Variants in HPSE2 observed in about 807,000 individuals in gnomAD.
HPSE2 encodes the protein inactive heparanase-2.
HPSE2 carries 38 observed loss-of-function variants against 60.5 expected under a neutral mutation model. That is an observed-to-expected ratio of 0.63 (90% CI 0.48 to 0.82). The LOEUF (loss-of-function observed/expected upper bound fraction) is 0.82, where lower values mean the gene tolerates loss of function less well. Ranked by LOEUF, HPSE2 falls within the 40% of genes least tolerant of loss-of-function variation. The pLI, the probability that HPSE2 is intolerant of heterozygous loss-of-function variation, is 0.00. For synonymous variants in HPSE2, 295 were observed against 293.2 expected (o/e 1.01, Z -0.06); for missense variants, 713 against 740.4 (o/e 0.96, Z 0.43).
chr10:99,188,412 A>C (rs1324216025), intron 2 of HPSE2, among the ~76,000 whole-genome samples: 5 of 152,158 alleles, frequency 3.3e-5, no homozygotes, highest in Non-Finnish European at 7.3e-5. Flanking sequence ...AAATTGGCAA[A>C]TTTTACCTAA....
At chr10:98,462,500 T>C (rs527552654) in intron 11 of HPSE2, among the ~76,000 whole-genome samples, 1 of 152,322 alleles carries the variant, frequency 6.6e-6, no homozygotes, top group Non-Finnish European at 1.5e-5. Flanking sequence ...TTGTTTTTAA[T>C]GTCACTGTGG....
chr10:98,749,931 T>TAG (rs1949716353), intron 3 of HPSE2, among the ~76,000 whole-genome samples: 1 of 29,738 alleles, frequency 3.4e-5, no homozygotes, highest in Non-Finnish European at 8.1e-5. Flanking sequence ...TATTAAACAC[T>TAG]ATATATATAT....
chr10:99,165,537 T>TTATTTATTTACG, intron 2 of HPSE2, among the ~76,000 whole-genome samples: 1 of 150,428 alleles, frequency 6.6e-6, no homozygotes, highest in African/African-American at 2.4e-5. Flanking sequence ...ACGTATTTAT[T>TTATTTATTTACG]TATTTATTTA....
intron 9 of HPSE2, among the ~76,000 whole-genome samples, chr10:98,539,119 G>A (rs1589386262): frequency 6.6e-6 from 1 of 152,322 alleles, no homozygotes; most frequent in East Asian, 1.9e-4. Context: ...GTGGTAAAGA[G>A]GTTGCAATCA....
intron 2 of HPSE2, among the ~76,000 whole-genome samples, chr10:99,151,114 C>A (rs1846245005): frequency 6.6e-6 from 1 of 151,276 alleles, no homozygotes; most frequent in Admixed American, 6.6e-5. Context: ...AAACATAAAA[C>A]AACAATTGTC....
At chr10:98,997,279 A>AT (rs914899223) in intron 3 of HPSE2, among the ~76,000 whole-genome samples, 45 of 149,024 alleles carry the variant, frequency 3.0e-4, no homozygotes, top group Middle Eastern at 3.5e-3. Context: ...TGCCCGGCTA[A>AT]TTTTTTTTTT....
chr10:98,860,593 C>T (rs1349293172), intron 3 of HPSE2, among the ~76,000 whole-genome samples: 1 of 152,080 alleles, frequency 6.6e-6, no homozygotes, highest in East Asian at 1.9e-4. Flanking sequence ...GAAACTGAAA[C>T]GCAGACTTGC....
chr10:98,571,128 A>G (rs982148761), intron 9 of HPSE2, among the ~76,000 whole-genome samples: 17 of 152,196 alleles, frequency 1.1e-4, no homozygotes, highest in Admixed American at 7.2e-4. Context: ...CAGGAGAAAT[A>G]TTTCTAGAAA....
intron 6 of HPSE2, among the ~76,000 whole-genome samples, chr10:98,688,492 T>G: frequency 6.9e-6 from 1 of 145,414 alleles, no homozygotes; most frequent in East Asian, 2.0e-4. Flanking sequence ...TTTTTTTTTT[T>G]TGAGGCAGAA....
At chr10:99,308,484 G>A in the HPSE2 span, among the ~76,000 whole-genome samples, 1 of 151,034 alleles carries the variant, frequency 6.6e-6, no homozygotes, top group Non-Finnish European at 1.5e-5. Flanking sequence ...ATGAAAAGAA[G>A]TACTGATGCA....
At chr10:98,950,193 G>A (rs1228096907) in intron 3 of HPSE2, among the ~76,000 whole-genome samples, 1 of 152,144 alleles carries the variant, frequency 6.6e-6, no homozygotes, top group Non-Finnish European at 1.5e-5. Flanking sequence ...CAGCAAGAAA[G>A]AGAAAGTCCT....
chr10:98,660,649 T>A (rs960194010), intron 6 of HPSE2, among the ~76,000 whole-genome samples: 2 of 152,206 alleles, frequency 1.3e-5, no homozygotes, highest in Admixed American at 6.5e-5. Context: ...GGCTTTCCCA[T>A]AATGGCCCTT....
intron 6 of HPSE2, among the ~76,000 whole-genome samples, chr10:98,675,974 T>C (rs1313055376): frequency 6.6e-6 from 1 of 151,006 alleles, no homozygotes; most frequent in Non-Finnish European, 1.5e-5. Context: ...GCCCAGGAGA[T>C]AGAGGCTGCA....
chr10:99,118,022 A>T lies in HPSE2; in HGVS notation c.610+26216T>A, dbSNP rs367805270. 2.6e-5 allele frequency among the ~76,000 whole-genome samples: 4 copies of T among 152,182 alleles called. No individual in the cohort carries two copies. The East Asian group carries it at 7.7e-4, about 29-fold the overall frequency. On this transcript the variant is annotated intron_variant, in intron 3 of 11. Coordinates refer to ENST00000370552, the MANE Select transcript of HPSE2 (RefSeq NM_021828.5). ...GCATATCAAAAATCTTATCCACCACATCAAAAAGCTTATTCATCACAATCA... is the reference window on the plus strand; with the variant it reads ...GCATATCAAAAATCTTATCCACCACTTCAAAAAGCTTATTCATCACAATCA...
chr10:98,682,279 G>A (rs1947806849), intron 6 of HPSE2, among the ~76,000 whole-genome samples: 1 of 152,206 alleles, frequency 6.6e-6, no homozygotes, highest in South Asian at 2.1e-4. Context: ...TCCACCATGA[G>A]TGAAAGTTCC....
intron 3 of HPSE2, among the ~76,000 whole-genome samples, chr10:98,789,509 G>A (rs1950610193): frequency 6.6e-6 from 1 of 152,230 alleles, no homozygotes; most frequent in African/African-American, 2.4e-5. Context: ...AGCCAAACTG[G>A]TAGAAAACTG....
the HPSE2 span, among the ~76,000 whole-genome samples, chr10:99,314,346 A>T: frequency 0.86 from 129,864 of 151,536 alleles, 56,006 homozygotes; most frequent in African/African-American, 0.93. Flanking sequence ...TATTTTTTGT[A>T]GAGACAGGGT....
chr10:99,178,262 T>A (rs1329788302), intron 2 of HPSE2, among the ~76,000 whole-genome samples: 1 of 150,644 alleles, frequency 6.6e-6, no homozygotes, highest in Non-Finnish European at 1.5e-5. Flanking sequence ...AAGAAATAAC[T>A]AACATCACAG....
chr10:99,306,394 A>G, the HPSE2 span, among the ~76,000 whole-genome samples: 1 of 151,878 alleles, frequency 6.6e-6, no homozygotes, highest in African/African-American at 2.4e-5. Context: ...ATGTGCACTT[A>G]CTCCAGCTCC....
Sources: allele counts gnomAD v4.1 joint callset (sites outside exome capture counted in the v4.1 genomes callset), GRCh38; gene constraint gnomAD v4.1.1; transcripts MANE v1.5; gene names NCBI Gene and HGNC (gene_info 2026-07-23, HGNC 2026-07-21).